Variants in GALNT18 observed in about 807,000 individuals in gnomAD.
The protein encoded by GALNT18 is polypeptide N-acetylgalactosaminyltransferase 18.
In GALNT18, 44 loss-of-function variants were observed where a neutral mutation model predicts 69.5. That is an observed-to-expected ratio of 0.63 (90% CI 0.50 to 0.81). The LOEUF (loss-of-function observed/expected upper bound fraction) is 0.81. GALNT18 is among the 40% of genes least tolerant of loss of function. GALNT18 has a pLI of 0.00. For missense variants in GALNT18, 715 were observed against 810.0 expected (o/e 0.88, Z 1.42); for synonymous variants, 364 against 318.2 (o/e 1.14, Z -1.53).
intron 1 of GALNT18, among the ~76,000 whole-genome samples, chr11:11,522,751 C>T (rs1020147556): frequency 1.3e-5 from 2 of 152,158 alleles, no homozygotes; most frequent in East Asian, 1.9e-4. Flanking sequence ...CTCAGTGTGG[C>T]GGCTCCTTCT....
intron 6 of GALNT18, among the ~76,000 whole-genome samples, chr11:11,363,771 G>A (rs986653982): frequency 6.6e-6 from 1 of 152,166 alleles, no homozygotes; most frequent in Non-Finnish European, 1.5e-5. Flanking sequence ...CCAGATTGTG[G>A]TTTTAAATAC....
intron 1 of GALNT18, among the ~76,000 whole-genome samples, chr11:11,462,161 G>A (rs184277006): frequency 2.8e-4 from 42 of 152,288 alleles, no homozygotes; most frequent in Middle Eastern, 6.8e-3. Context: ...GTTATGAGAG[G>A]ATGCTAAGGC....
chr11:11,468,302 A>G (rs751486594), intron 1 of GALNT18, among the ~76,000 whole-genome samples: 1 of 152,160 alleles, frequency 6.6e-6, no homozygotes, highest in Non-Finnish European at 1.5e-5. Context: ...CACCTCCCCA[A>G]GGCAAGTTGT....
In GALNT18 at chr11:11,372,689, A is replaced by G; in HGVS notation, c.978-60T>C. The G allele has an allele frequency of 3.9e-6, 5 of 1,287,600 alleles. No homozygotes were observed. In the South Asian group the frequency reaches 6.0e-5, roughly 15 times the overall value. The allele number at this position is 1,287,600 out of a possible 1,614,324, so 79.8% of individuals were successfully genotyped here. On this transcript the variant is annotated intron_variant, in intron 5 of 10. Coordinates refer to ENST00000227756, the MANE Select transcript of GALNT18 (RefSeq NM_198516.3). The surrounding 1 kb of genome is among the most constrained non-coding windows in gnomAD (Gnocchi z 4.9). ...GTGCAGCTGTCCGAGGAGTAAGAGC[A>G]GTAAGGCCTTCCTATCAGGAGGGTC...
chr11:11,544,642 C>A (rs1858006355), intron 1 of GALNT18, among the ~76,000 whole-genome samples: 1 of 152,140 alleles, frequency 6.6e-6, no homozygotes, highest in Admixed American at 6.5e-5. Flanking sequence ...GTTGGCTGCA[C>A]CCATCAACCC....
Position 11,494,996 on chromosome 11 carries a change from C to T in GALNT18, c.236-46060G>A. Among the ~76,000 whole-genome samples the T allele has an allele frequency of 6.6e-6, 1 of 151,716 alleles. No homozygotes were observed. Among genetic ancestry groups the T allele is most frequent in the Non-Finnish European group, 1.5e-5 (1 of 67,992 alleles). ...GCCCAGCATGAATCTTCAAGAGCAT[C>T]CTGGTTTTGCCTAGGGAAGGGGAAG... On this transcript the variant is annotated intron_variant, in intron 1 of 10. Coordinates refer to ENST00000227756, the MANE Select transcript of GALNT18 (RefSeq NM_198516.3). This position sits in a 1 kb window ranked among gnomAD's most constrained non-coding sequence, Gnocchi z 5.7.
intron 1 of GALNT18, among the ~76,000 whole-genome samples, chr11:11,502,189 T>C (rs1450230497): frequency 3.3e-5 from 5 of 152,108 alleles, no homozygotes; most frequent in African/African-American, 4.8e-5. Context: ...ATGAATAAGA[T>C]GTATCTCTAA....
chr11:11,421,137 C>T lies in GALNT18; in HGVS notation c.595+11484G>A, dbSNP rs991342981. 1.3e-5 allele frequency among the ~76,000 whole-genome samples: 2 copies of T among 152,020 alleles called. No individual in the cohort carries two copies. Among genetic ancestry groups the T allele is most frequent in the Non-Finnish European group, 2.9e-5 (2 of 68,010 alleles). On this transcript the variant is annotated intron_variant, in intron 3 of 10. Transcript: ENST00000227756. This position sits in a 1 kb window ranked among gnomAD's most constrained non-coding sequence, Gnocchi z 5.6. ...GATTCTCTAAGACAGTTTCCTGTAT[C>T]GAGTAAAGGGGACAAGAGGAGTGAT...
intron 3 of GALNT18, among the ~76,000 whole-genome samples, chr11:11,429,757 C>T (rs1360575971): frequency 6.6e-6 from 1 of 152,172 alleles, no homozygotes; most frequent in Non-Finnish European, 1.5e-5. Context: ...CCCTTCACAC[C>T]ATGCACTGGA....
intron 6 of GALNT18, among the ~76,000 whole-genome samples, chr11:11,357,788 T>C (rs1222173326): frequency 6.6e-6 from 1 of 152,214 alleles, no homozygotes; most frequent in Non-Finnish European, 1.5e-5. Context: ...CACTAGAATA[T>C]AAGTTCTATG....
At chr11:11,479,078 G>A (rs1856467903) in intron 1 of GALNT18, among the ~76,000 whole-genome samples, 1 of 152,218 alleles carries the variant, frequency 6.6e-6, no homozygotes, top group Non-Finnish European at 1.5e-5. Context: ...AGGCCTGGTG[G>A]TGGCAGCTTC....
At chr11:11,532,692 A>G (rs1413223805) in intron 1 of GALNT18, among the ~76,000 whole-genome samples, 1 of 152,246 alleles carries the variant, frequency 6.6e-6, no homozygotes, top group Non-Finnish European at 1.5e-5. Flanking sequence ...AAAAACACAG[A>G]GGGCTTCCCG....
rs1293714469 is a variant in GALNT18 at position 11,463,450 on chromosome 11, C to T, written c.236-14514G>A. ...GATTCTTTAAATGTAGTGTACAGTG[C>T]AGAAGGATAAATACGAGCCAGGGCC... On this transcript the variant is annotated intron_variant, in intron 1 of 10. Transcript: ENST00000227756. The surrounding 1 kb of genome is among the most constrained non-coding windows in gnomAD (Gnocchi z 4.2). Among the ~76,000 whole-genome samples, 1 of 152,172 alleles carries T rather than the reference C, an allele frequency of 6.6e-6. No individual in the cohort carries two copies. Among genetic ancestry groups the T allele is most frequent in the Non-Finnish European group, 1.5e-5 (1 of 68,028 alleles).
intron 1 of GALNT18, among the ~76,000 whole-genome samples, chr11:11,577,171 C>T (rs1253359963): frequency 6.6e-6 from 1 of 152,224 alleles, no homozygotes; most frequent in South Asian, 2.1e-4. Context: ...GTATGTGCTG[C>T]ATTCAGCAAG....
intron 1 of GALNT18, among the ~76,000 whole-genome samples, chr11:11,532,384 G>C (rs1372750339): frequency 6.6e-6 from 1 of 152,192 alleles, no homozygotes; most frequent in Non-Finnish European, 1.5e-5. Context: ...TAACTATCCT[G>C]AAGGCACACA....
intron 3 of GALNT18, among the ~76,000 whole-genome samples, chr11:11,426,973 T>A (rs80106502): frequency 0.23 from 34,791 of 151,902 alleles, 4,592 homozygotes; most frequent in African/African-American, 0.36. Context: ...ACAGACGGGG[T>A]CTTGCTATGT....
At chr11:11,476,157 G>T (rs1029950383) in intron 1 of GALNT18, 1 of 152,124 alleles carries the variant, frequency 6.6e-6, no homozygotes. Flanking sequence ...TTCCAGCCAG[G>T]TCCCCCTGGA....
intron 6 of GALNT18, among the ~76,000 whole-genome samples, chr11:11,353,663 G>T (rs1850466885): frequency 6.6e-6 from 1 of 152,132 alleles, no homozygotes; most frequent in Non-Finnish European, 1.5e-5. Flanking sequence ...TCATTAGCAT[G>T]TCCCAGTCAG....
intron 6 of GALNT18, among the ~76,000 whole-genome samples, chr11:11,358,606 T>C (rs549081199): frequency 1.4e-5 from 2 of 140,180 alleles, no homozygotes; most frequent in Admixed American, 1.4e-4. Flanking sequence ...AAAATTCCCT[T>C]TGGAAGCACA....
Sources: gnomAD v4.1 joint callset for allele counts (sites outside exome capture counted in the v4.1 genomes callset) on GRCh38, gnomAD v4.1.1 for gene constraint, Gnocchi (gnomAD v3.1) non-coding constraint, MANE v1.5 for transcripts, NCBI Gene and HGNC (gene_info 2026-07-23, HGNC 2026-07-21) for gene names.